RCAN2: variants seen among roughly 807,000 people sequenced by gnomAD.
RCAN2 encodes regulator of calcineurin 2, also known as calcipressin-2.
Under a neutral mutation model 23.6 loss-of-function variants are expected in RCAN2, and 9 were observed. The ratio of observed to expected loss-of-function variants is 0.38; its 90% confidence interval spans 0.23 to 0.67. The LOEUF is 0.67. RCAN2 is among the 30% of genes least tolerant of loss of function. The probability of loss-of-function intolerance (pLI) is 0.51; values close to 1 mark genes in which losing one functional copy is unlikely to be tolerated. For missense variants in RCAN2, 273 were observed against 302.3 expected, an observed-to-expected ratio of 0.90 and a Z score of 0.72; for synonymous variants, 109 against 115.7, an observed-to-expected ratio of 0.94 and a Z score of 0.37.
intron 2 of RCAN2, among the ~76,000 whole-genome samples, chr6:46,322,658 T>C (rs1360292878): frequency 6.6e-6 from 1 of 152,236 alleles, no homozygotes; most frequent in Non-Finnish European, 1.5e-5. Flanking sequence ...AAAGTGGGGA[T>C]GCCTATTAAA....
rs147354251 is a variant in RCAN2 at position 46,333,451 on chromosome 6, C to T, written c.226-84555G>A. The stretch of plus-strand genomic sequence containing the variant: ...AGTCCCCATTTGGATTGTTTCCAGC[C>T]TTTCGCTATTAAATAATGCAGCAAT... On this transcript the variant is annotated intron_variant, in intron 2 of 4. Transcript: ENST00000371374. 2.4e-3 allele frequency among the ~76,000 whole-genome samples: 371 copies of T among 152,276 alleles called. 2 individuals are homozygous for T. The highest frequency in any genetic ancestry group is 8.7e-3 in the African/African-American group (360 of 41,558).
chr6:46,481,951 G>C (rs139359102), intron 1 of RCAN2, among the ~76,000 whole-genome samples: 1 of 152,164 alleles, frequency 6.6e-6, no homozygotes, highest in East Asian at 1.9e-4. Context: ...TATTATAAAG[G>C]CTGCATGTAA....
intron 1 of RCAN2, among the ~76,000 whole-genome samples, chr6:46,461,168 GT>G (rs925575803): frequency 1.3e-5 from 2 of 151,874 alleles, no homozygotes; most frequent in African/African-American, 2.4e-5. Flanking sequence ...TCATTGCAGT[GT>G]TTTTTTTACA....
intron 2 of RCAN2, among the ~76,000 whole-genome samples, chr6:46,378,537 A>C (rs1439543309): frequency 6.6e-6 from 1 of 152,148 alleles, no homozygotes; most frequent in East Asian, 1.9e-4. Context: ...ACATCTTGGG[A>C]AGTTTGAAGG....
At chr6:46,445,382 C>T (rs1202841050) in intron 2 of RCAN2, among the ~76,000 whole-genome samples, 2 of 152,210 alleles carry the variant, frequency 1.3e-5, no homozygotes, top group Non-Finnish European at 2.9e-5. Context: ...GCAGCAAGTT[C>T]ACCCATGGAC....
chr6:46,481,462 C>T (rs1281769342), intron 1 of RCAN2, among the ~76,000 whole-genome samples: 1 of 151,960 alleles, frequency 6.6e-6, no homozygotes, highest in African/African-American at 2.4e-5. Flanking sequence ...GGGAGAAAAT[C>T]CAATTATAAT....
intron 4 of RCAN2, among the ~76,000 whole-genome samples, chr6:46,237,590 G>A (rs1322284024): frequency 2.0e-5 from 3 of 152,066 alleles, no homozygotes; most frequent in Non-Finnish European, 2.9e-5. Context: ...TCAATCCTGG[G>A]CAGGCTTTAA....
chr6:46,248,570 T>C (rs1441336147), intron 3 of RCAN2, among the ~76,000 whole-genome samples, 153 bp downstream of exon 3: 2 of 152,144 alleles, frequency 1.3e-5, no homozygotes, highest in Non-Finnish European at 2.9e-5. Context: ...CTAAGCTGTT[T>C]CTGTCTGGAA....
At chr6:46,282,588 C>T (rs77044486) in intron 2 of RCAN2, among the ~76,000 whole-genome samples, 3,912 of 152,270 alleles carry the variant, frequency 0.026, 153 homozygotes, top group African/African-American at 0.085. Flanking sequence ...TCTTCATCTA[C>T]TGAATATGTT....
intron 2 of RCAN2, among the ~76,000 whole-genome samples, chr6:46,429,325 C>T (rs1469020880): frequency 6.6e-6 from 1 of 152,136 alleles, no homozygotes; most frequent in Non-Finnish European, 1.5e-5. Flanking sequence ...CATTTTAACT[C>T]GAAGCCAAAA....
intron 2 of RCAN2, among the ~76,000 whole-genome samples, chr6:46,365,460 G>A (rs930058561): frequency 7.0e-6 from 1 of 141,988 alleles, no homozygotes; most frequent in Non-Finnish European, 1.5e-5. Flanking sequence ...TGGGCAACAA[G>A]AGCGAAACTC....
chr6:46,457,670 A>G (rs1768081097), intron 1 of RCAN2, among the ~76,000 whole-genome samples: 1 of 152,296 alleles, frequency 6.6e-6, no homozygotes, highest in East Asian at 1.9e-4. Context: ...CACCACACAC[A>G]CACACCTCCC....
At position 46,325,876 on chromosome 6, in the gene RCAN2, G is replaced by A. The variant is rs1763781641; in HGVS notation, c.226-76980C>T. 8 of 985,124 alleles carry A rather than the reference G, an allele frequency of 8.1e-6. No homozygotes were observed. In the South Asian group the frequency reaches 2.3e-4, roughly 29 times the overall value. The allele number at this position is 985,124 out of a possible 1,614,324, so 61.0% of individuals were successfully genotyped here. On this transcript the variant is annotated intron_variant, in intron 2 of 4. Transcript: ENST00000371374. ...GTCATAGCTGTTGTTGCAGCCGAGT[G>A]CTTATGTTTGCAAAAAGCAGGAGGG... is the stretch of plus-strand genomic sequence containing the variant.
intron 1 of RCAN2, among the ~76,000 whole-genome samples, chr6:46,483,733 A>C (rs756605751): frequency 3.3e-5 from 5 of 152,266 alleles, no homozygotes; most frequent in African/African-American, 4.8e-5. Flanking sequence ...ATTTTGTGAT[A>C]TGCCAGTTGC....
intron 2 of RCAN2, among the ~76,000 whole-genome samples, chr6:46,389,436 C>G (rs1475801065): frequency 6.6e-6 from 1 of 152,162 alleles, no homozygotes; most frequent in African/African-American, 2.4e-5. Flanking sequence ...CCCAGAACTT[C>G]AAGGCACTCT....
chr6:46,447,832 G>A (rs1480406821), intron 2 of RCAN2, among the ~76,000 whole-genome samples: 1 of 151,512 alleles, frequency 6.6e-6, no homozygotes, highest in Non-Finnish European at 1.5e-5. Flanking sequence ...AGCATACTAT[G>A]AGATACAGCA....
intron 2 of RCAN2, among the ~76,000 whole-genome samples, chr6:46,423,627 C>T (rs1442778364): frequency 6.6e-6 from 1 of 152,268 alleles, no homozygotes; most frequent in Admixed American, 6.5e-5. Context: ...AACCTGTTTC[C>T]TTATACATTT....
intron 2 of RCAN2, among the ~76,000 whole-genome samples, chr6:46,297,624 TA>T (rs1217216519): frequency 1.3e-5 from 2 of 152,110 alleles, no homozygotes; most frequent in African/African-American, 4.8e-5. Flanking sequence ...AGGACCAAAT[TA>T]AATTTGAATT....
At position 46,458,559 on chromosome 6, in the gene RCAN2, C is replaced by G. The variant is rs73735761; in HGVS notation, c.-2-1581G>C. ...AAAGTTCTTCAAACTCCAATTAGCGCATTTCCATATTTAAATCAACAAAAT... is the reference window on the plus strand; with the variant it reads ...AAAGTTCTTCAAACTCCAATTAGCGGATTTCCATATTTAAATCAACAAAAT... On this transcript the variant is annotated intron_variant, in intron 1 of 4. Transcript: ENST00000371374. Among the ~76,000 whole-genome samples the G allele has an allele frequency of 6.4e-3, 966 of 152,068 alleles. 9 individuals are homozygous for G. Among genetic ancestry groups the G allele is most frequent in the African/African-American group, 0.021 (888 of 41,496 alleles).
Sources: allele counts gnomAD v4.1 joint callset (sites outside exome capture counted in the v4.1 genomes callset), GRCh38; gene constraint gnomAD v4.1.1; transcripts MANE v1.5; gene names NCBI Gene and HGNC (gene_info 2026-07-23, HGNC 2026-07-21).